PDE1A: variants seen among roughly 807,000 people sequenced by gnomAD.
PDE1A encodes the protein phosphodiesterase 1A.
PDE1A carries 35 observed loss-of-function variants against 61.7 expected under a neutral mutation model. That is an observed-to-expected ratio of 0.57 (90% CI 0.43 to 0.75). The LOEUF (loss-of-function observed/expected upper bound fraction) is 0.75, where lower values mean the gene tolerates loss of function less well. Among genes scored for constraint, PDE1A ranks in the 30% least tolerant of loss-of-function variants. The pLI is 0.00. For missense variants in PDE1A, 597 were observed against 630.6 expected (o/e 0.95, Z 0.57); for synonymous variants, 232 against 213.2 (o/e 1.09, Z -0.77).
At chr2:182,464,634 G>A (rs970902082) in intron 2 of PDE1A, among the ~76,000 whole-genome samples, 6 of 152,046 alleles carry the variant, frequency 3.9e-5, no homozygotes, top group African/African-American at 1.2e-4. Flanking sequence ...TATGACAATT[G>A]CAGTAGAGAG....
chr2:182,690,215 G>A, the PDE1A span, among the ~76,000 whole-genome samples: 2 of 152,250 alleles, frequency 1.3e-5, no homozygotes, highest in South Asian at 2.1e-4. Flanking sequence ...AAGCCTGGCA[G>A]AGACACAACA....
chr2:182,266,153 A>G (rs916242748), intron 1 of PDE1A, among the ~76,000 whole-genome samples: 5 of 152,208 alleles, frequency 3.3e-5, no homozygotes, highest in Non-Finnish European at 7.3e-5. Context: ...ATAAAATATC[A>G]GCAGGCAATA....
At chr2:182,289,196 T>C (rs899402664) in intron 1 of PDE1A, among the ~76,000 whole-genome samples, 1 of 152,136 alleles carries the variant, frequency 6.6e-6, no homozygotes, top group African/African-American at 2.4e-5. Flanking sequence ...TCTGTTCGTT[T>C]AGATATTAGA....
chr2:182,445,819 G>A (rs528254382), intron 2 of PDE1A, among the ~76,000 whole-genome samples: 2 of 152,158 alleles, frequency 1.3e-5, no homozygotes, highest in African/African-American at 4.8e-5. Context: ...GCATAAAACC[G>A]CACATGCTTC....
At chr2:182,664,223 A>G in the PDE1A span, among the ~76,000 whole-genome samples, 1 of 152,218 alleles carries the variant, frequency 6.6e-6, no homozygotes, top group African/African-American at 2.4e-5. Flanking sequence ...CAATTTGAGA[A>G]CATCTGATAA....
chr2:182,603,456 C>T, the PDE1A span, among the ~76,000 whole-genome samples: 4 of 152,156 alleles, frequency 2.6e-5, no homozygotes, highest in African/African-American at 9.7e-5. Flanking sequence ...AAGCAATTCT[C>T]CCTGCCTCAG....
At chr2:182,324,183 G>A (rs567207021) in intron 1 of PDE1A, among the ~76,000 whole-genome samples, 2 of 152,134 alleles carry the variant, frequency 1.3e-5, no homozygotes, top group East Asian at 1.9e-4. Context: ...AGGAAAAGAA[G>A]TATTATTTCA....
intron 2 of PDE1A, among the ~76,000 whole-genome samples, chr2:182,477,584 G>A (rs1431708602): frequency 2.0e-5 from 3 of 151,852 alleles, no homozygotes; most frequent in Non-Finnish European, 4.4e-5. Context: ...TAAGTGCCAT[G>A]TTCTAGAAAA....
At chr2:182,443,189 C>G (rs1310019850) in intron 2 of PDE1A, among the ~76,000 whole-genome samples, 1 of 151,748 alleles carries the variant, frequency 6.6e-6, no homozygotes, top group East Asian at 1.9e-4. Flanking sequence ...TGTATACACA[C>G]ATTATCTTTG....
At chr2:182,303,482 G>T (rs1244521322) in intron 1 of PDE1A, among the ~76,000 whole-genome samples, 2 of 152,210 alleles carry the variant, frequency 1.3e-5, no homozygotes, top group Non-Finnish European at 1.5e-5. Context: ...GCTGTAAACA[G>T]ATATGCTGTC....
At chr2:182,692,497 C>T in the PDE1A span, among the ~76,000 whole-genome samples, 4,545 of 151,528 alleles carry the variant, frequency 0.03, 209 homozygotes, top group African/African-American at 0.11. Flanking sequence ...GGAAAGGGAA[C>T]ATCACACACT....
intron 1 of PDE1A, among the ~76,000 whole-genome samples, chr2:182,318,052 T>C (rs942004846): frequency 9.9e-5 from 15 of 152,120 alleles, no homozygotes; most frequent in African/African-American, 3.4e-4. Context: ...CAGGCTGATA[T>C]TCAAATACAG....
chr2:182,189,521 T>TA (rs2125412382), intron 10 of PDE1A, among the ~76,000 whole-genome samples: 2 of 152,360 alleles, frequency 1.3e-5, no homozygotes, highest in African/African-American at 4.8e-5. Flanking sequence ...AACACCTTTC[T>TA]ATCCATTAAC....
chr2:182,331,294 C>T (rs1453740873), intron 1 of PDE1A, among the ~76,000 whole-genome samples: 1 of 152,218 alleles, frequency 6.6e-6, no homozygotes, highest in Admixed American at 6.5e-5. Context: ...TAAGTCTTGA[C>T]TCTTTATCCA....
rs184323156 is a variant in PDE1A at position 182,270,958 on chromosome 2, G to A, written c.54-6544C>T. Reference sequence around the variant, plus strand: ...AATCTAAAATGCAGGGTTTATGGACGTAAAGACTTTTCCAGTATTTTTTTC... The same window carrying A: ...AATCTAAAATGCAGGGTTTATGGACATAAAGACTTTTCCAGTATTTTTTTC... On this transcript the variant is annotated intron_variant, in intron 1 of 13. Coordinates refer to ENST00000351439, the Ensembl canonical transcript of PDE1A. Among the ~76,000 whole-genome samples, 34 of 151,848 alleles carry A rather than the reference G, an allele frequency of 2.2e-4. No individual in the cohort carries two copies. In the East Asian group the frequency reaches 3.7e-3, roughly 16 times the overall value.
chr2:182,577,818 G>T, the PDE1A span, among the ~76,000 whole-genome samples: 1 of 152,086 alleles, frequency 6.6e-6, no homozygotes, highest in African/African-American at 2.4e-5. Context: ...TACTCAGGAG[G>T]CTGAGGTAGG....
At chr2:182,540,382 AAAAGCAGCAGCAGC>A in the PDE1A span, among the ~76,000 whole-genome samples, 34,277 of 135,622 alleles carry the variant, frequency 0.25, 4,773 homozygotes, top group Middle Eastern at 0.35. Context: ...AAAAAAAAAA[AAAAGCAGCAGCAGC>A]AGCAGCAGCA....
At chr2:182,457,214 C>A (rs1321754547) in intron 2 of PDE1A, among the ~76,000 whole-genome samples, 3 of 151,934 alleles carry the variant, frequency 2.0e-5, no homozygotes, top group African/African-American at 4.8e-5. Flanking sequence ...TTCTGCCCTG[C>A]TGGATTCTTT....
intron 1 of PDE1A, among the ~76,000 whole-genome samples, chr2:182,412,070 A>G (rs1261394126): frequency 6.6e-6 from 1 of 152,092 alleles, no homozygotes; most frequent in African/African-American, 2.4e-5. Context: ...AAAAAAAAAA[A>G]AAAAGATTAT....
Sources: allele counts gnomAD v4.1 joint callset (sites outside exome capture counted in the v4.1 genomes callset), GRCh38; gene constraint gnomAD v4.1.1; transcripts MANE v1.5; gene names NCBI Gene and HGNC (gene_info 2026-07-23, HGNC 2026-07-21).